Variants in VPS13D observed in about 807,000 individuals in gnomAD.
The protein encoded by VPS13D is vacuolar protein sorting 13 homolog D, also known as intermembrane lipid transfer protein VPS13D.
In VPS13D, 187 loss-of-function variants were observed where a neutral mutation model predicts 461.9. That is an observed-to-expected ratio of 0.40 (90% confidence interval 0.36 to 0.46). VPS13D has a LOEUF of 0.46. Among genes scored for constraint, VPS13D ranks in the 20% least tolerant of loss-of-function variants. The probability of loss-of-function intolerance (pLI) is 0.60; values close to 1 mark genes in which losing one functional copy is unlikely to be tolerated. For missense variants in VPS13D, 4,711 were observed against 5,364.9 expected (o/e 0.88, Z 3.81); for synonymous variants, 1,951 against 1,986.3 (o/e 0.98, Z 0.47).
chr1:12,232,873 A>G (rs190135906), intron 1 of VPS13D, among the ~76,000 whole-genome samples: 2 of 151,828 alleles, frequency 1.3e-5, no homozygotes, highest in East Asian at 1.9e-4. Context: ...CCTCTCTCCC[A>G]TGTATATTAT....
intron 49 of VPS13D, among the ~76,000 whole-genome samples, chr1:12,356,726 G>C (rs1470221167): frequency 6.6e-6 from 1 of 152,166 alleles, no homozygotes; most frequent in Non-Finnish European, 1.5e-5. Flanking sequence ...CCATTTGGTT[G>C]GTTTATAATG....
At chr1:12,463,504 A>G (rs1205723098) in intron 67 of VPS13D, among the ~76,000 whole-genome samples, 2 of 152,236 alleles carry the variant, frequency 1.3e-5, no homozygotes, top group Middle Eastern at 3.4e-3. Context: ...GTAATCCAGC[A>G]TTTTGGGAGG....
intron 69 of VPS13D, among the ~76,000 whole-genome samples, chr1:12,508,453 CCCA>C (rs1646141603): frequency 6.6e-6 from 1 of 151,510 alleles, no homozygotes; most frequent in African/African-American, 2.4e-5. Context: ...TGCCTGTAAT[CCCA>C]GCACTTTGGG....
chr1:12,458,499 T>C (rs1433238374), intron 66 of VPS13D, among the ~76,000 whole-genome samples: 1 of 152,022 alleles, frequency 6.6e-6, no homozygotes, highest in Admixed American at 6.6e-5. Flanking sequence ...CCCAGGAGTT[T>C]AAGGCTGCAG....
At position 12,338,227 on chromosome 1, in the gene VPS13D, C is replaced by T. The variant is rs1643491749; in HGVS notation, c.8552-4C>T. 2.5e-6 allele frequency: 4 copies of T among 1,612,874 alleles called. No individual in the cohort carries two copies. Among genetic ancestry groups the T allele is most frequent in the Middle Eastern group, 1.6e-4 (1 of 6,078 alleles). ...CCTCTAACTTTGTCTCTCCTGTCTACCAGGCCTCCCCCTTGTCTACCTTAG... is the reference window on the plus strand; with the variant it reads ...CCTCTAACTTTGTCTCTCCTGTCTATCAGGCCTCCCCCTTGTCTACCTTAG... On this transcript the variant is annotated splice_region_variant and splice_polypyrimidine_tract_variant and intron_variant, in intron 39 of 69. Coordinates refer to ENST00000620676, the MANE Select transcript of VPS13D (RefSeq NM_015378.4).
Position 12,510,708 on chromosome 1 carries a change from G to A in VPS13D, c.*1684G>A, listed in dbSNP as rs1398636578. On this transcript the variant is annotated 3_prime_UTR_variant, in exon 70 of 70. Transcript: ENST00000620676. ...TGCAGAATGGAAACTTGGCTTTTGC[G>A]GCACTGGGTGAGTTTTAGTTTGTGT... The A allele has an allele frequency of 1.3e-5, 2 of 152,452 alleles. No individual in the cohort carries two copies. The highest frequency in any genetic ancestry group is 4.8e-5 in the African/African-American group (2 of 41,566). The allele number at this position is 152,452 out of a possible 1,614,324, so 9.4% of individuals were successfully genotyped here.
intron 21 of VPS13D, among the ~76,000 whole-genome samples, chr1:12,286,304 C>T (rs1333162072): frequency 3.9e-5 from 6 of 152,204 alleles, no homozygotes; most frequent in African/African-American, 9.7e-5. Flanking sequence ...TCTCAAACTC[C>T]TGGCCTCAAG....
At chr1:12,446,585 C>T (rs1206855887) in intron 65 of VPS13D, among the ~76,000 whole-genome samples, 1 of 152,092 alleles carries the variant, frequency 6.6e-6, no homozygotes, top group Non-Finnish European at 1.5e-5. Flanking sequence ...TCCATATCCC[C>T]CTATATTTGT....
In VPS13D at chr1:12,362,739, C is replaced by T. The variant is rs770221976; in HGVS notation, c.10161C>T (p.Gly3387=). The change falls in exon 51 of 70, where the codon GGC becomes GGT. Residue 3387 remains glycine, a synonymous_variant. Transcript: ENST00000620676. ...TTGTAGGTATTGATGTCAAGAAAGG[C>T]CGAGGTCGATACATTGATACCTGCA... is the stretch of plus-strand genomic sequence containing the variant. The part of the protein sequence containing the change: ...IYNIGIDVKK[G]RGRYIDTCMV... The T allele has an allele frequency of 6.2e-7, 1 of 1,614,072 alleles. No homozygotes were observed. Among genetic ancestry groups the T allele is most frequent in the South Asian group, 1.1e-5 (1 of 91,064 alleles).
At position 12,349,384 on chromosome 1, in the gene VPS13D, A is replaced by G. The variant is rs1365173406; in HGVS notation, c.9431+10A>G. 10 of 1,613,480 alleles carry G rather than the reference A, an allele frequency of 6.2e-6. No individual in the cohort carries two copies. Among genetic ancestry groups the G allele is most frequent in the Non-Finnish European group, 8.5e-6 (10 of 1,179,750 alleles). On this transcript the variant is annotated intron_variant, in intron 46 of 69. Transcript: ENST00000620676. ...AAAGCCGATTTTTCAGGTATGTAGCACCACTGCAGTGACATGTCACTTTTG... is the reference window on the plus strand; with the variant it reads ...AAAGCCGATTTTTCAGGTATGTAGCGCCACTGCAGTGACATGTCACTTTTG...
At chr1:12,412,143 CATTATTGTGAAAAAT>C in intron 63 of VPS13D, among the ~76,000 whole-genome samples, 1 of 152,214 alleles carries the variant, frequency 6.6e-6, no homozygotes, top group East Asian at 1.9e-4. Flanking sequence ...AACAATTAAA[CATTATTGTGAAAAAT>C]TAAAGACCCA....
intron 68 of VPS13D, chr1:12,500,206 G>T: frequency 1.0e-6 from 1 of 984,450 alleles, no homozygotes; most frequent in Non-Finnish European, 1.2e-6. Flanking sequence ...ATATTAAAAA[G>T]ATAGTTACCA....
intron 23 of VPS13D, 31 bp downstream of exon 23, chr1:12,291,155 A>AT (rs1176383928): frequency 1.2e-6 from 2 of 1,601,618 alleles, no homozygotes; most frequent in Non-Finnish European, 1.7e-6. Flanking sequence ...CTGACTTGAT[A>AT]TTTTATCATA....
chr1:12,303,719 C>T (rs147093878), intron 25 of VPS13D, among the ~76,000 whole-genome samples: 2 of 152,272 alleles, frequency 1.3e-5, no homozygotes, highest in East Asian at 3.9e-4. Context: ...TTCCCAGATT[C>T]GGTTGAGAAT....
At chr1:12,327,960 G>A in intron 36 of VPS13D, 106 bp downstream of exon 36, 1 of 1,135,960 alleles carries the variant, frequency 8.8e-7, no homozygotes, top group Non-Finnish European at 1.2e-6. Context: ...TAGTCATTTG[G>A]GTGAAATTTA....
At chr1:12,286,814 G>A (rs1426770342) in intron 21 of VPS13D, among the ~76,000 whole-genome samples, 1 of 152,156 alleles carries the variant, frequency 6.6e-6, no homozygotes, top group African/African-American at 2.4e-5. Context: ...TTTAGACCCA[G>A]TGTACATGTT....
At chr1:12,355,065 G>C (rs898134863) in intron 47 of VPS13D, among the ~76,000 whole-genome samples, 3 of 152,226 alleles carry the variant, frequency 2.0e-5, no homozygotes, top group African/African-American at 7.2e-5. Flanking sequence ...GTGAAGTACA[G>C]AATCAGCTGG....
intron 2 of VPS13D, among the ~76,000 whole-genome samples, chr1:12,239,163 G>A (rs2101191169): frequency 6.6e-6 from 1 of 152,082 alleles, no homozygotes; most frequent in South Asian, 2.1e-4. Context: ...TTTGGAGACA[G>A]GGTCTTGCTC....
At chr1:12,345,131 G>A (rs985147127) in intron 42 of VPS13D, 1 of 408,966 alleles carries the variant, frequency 2.4e-6, no homozygotes, top group Non-Finnish European at 4.5e-6. Flanking sequence ...TGCGTGGTTT[G>A]TACAATGGAG....
Sources: gnomAD v4.1 joint callset for allele counts (sites outside exome capture counted in the v4.1 genomes callset) on GRCh38, gnomAD v4.1.1 for gene constraint, MANE v1.5 for transcripts, NCBI Gene and HGNC (gene_info 2026-07-23, HGNC 2026-07-21) for gene names.